MEGF6: variants seen among roughly 807,000 people sequenced by gnomAD.
MEGF6 encodes the protein multiple epidermal growth factor-like domains protein 6.
MEGF6 carries 184 observed loss-of-function variants against 207.1 expected under a neutral mutation model. That is an observed-to-expected ratio of 0.89 (90% CI 0.79 to 1.00). MEGF6 has a LOEUF of 1.00. MEGF6 is among the 50% of genes least tolerant of loss of function. The probability of loss-of-function intolerance (pLI) is 0.00; values close to 1 mark genes in which losing one functional copy is unlikely to be tolerated. For synonymous variants in MEGF6, 1,038 were observed against 910.0 expected, an observed-to-expected ratio of 1.14 and a Z score of -2.53; for missense variants, 2,282 against 2,202.9, an observed-to-expected ratio of 1.04 and a Z score of -0.72.
At position 3,494,362 on chromosome 1, in the gene MEGF6, C is replaced by T; in HGVS notation, c.4129+9G>A. The T allele has an allele frequency of 6.5e-7, 1 of 1,539,170 alleles. No individual in the cohort carries two copies. The highest frequency in any genetic ancestry group is 1.4e-5 in the African/African-American group (1 of 73,248). On this transcript the variant is annotated intron_variant, in intron 32 of 36. Transcript: ENST00000356575. The stretch of plus-strand genomic sequence containing the variant: ...GGCCCCAGCCCAGCTGCACAGGCCC[C>T]CAACTCACGGTGCTCGCAGGCCTGG...
chr1:3,622,720 T>C, the MEGF6 span, among the ~76,000 whole-genome samples: 1 of 152,186 alleles, frequency 6.6e-6, no homozygotes, highest in Non-Finnish European at 1.5e-5. Flanking sequence ...AGAGGGAGCA[T>C]GGCCCTGCAC....
Position 3,493,742 on chromosome 1 carries a change from G to A in MEGF6, c.4387+29C>T, listed in dbSNP as rs546110537. The A allele has an allele frequency of 2.7e-5, 43 of 1,604,664 alleles. 1 individual carries two copies. The highest frequency in any genetic ancestry group is 3.3e-4 in the Middle Eastern group (2 of 6,056). ...GTCACTGATGGAGACCCACACCCAC[G>A]CCCTTCCTGGGCAGGACCCCAGACT... On this transcript the variant is annotated intron_variant, in intron 34 of 36. Transcript: ENST00000356575.
chr1:3,509,731 G>C, intron 11 of MEGF6, 139 bp downstream of exon 11: 1 of 1,208,294 alleles, frequency 8.3e-7, no homozygotes. Context: ...CCTCTGAGGT[G>C]TGTTGGCCCA....
At chr1:3,545,462 C>G (rs1032227003) in intron 4 of MEGF6, among the ~76,000 whole-genome samples, 2 of 152,114 alleles carry the variant, frequency 1.3e-5, no homozygotes, top group African/African-American at 2.4e-5. Flanking sequence ...ACCTCCAGCT[C>G]CAACGTGTGG....
At position 3,516,655 on chromosome 1, in the gene MEGF6, A is replaced by C. The variant is rs555448641; in HGVS notation, c.605-1128T>G. On this transcript the variant is annotated intron_variant, in intron 5 of 36. Coordinates refer to ENST00000356575, the MANE Select transcript of MEGF6 (RefSeq NM_001409.4). ...GCGGATGGGAAGCCCGGCACCATGGAGGGGAGGGCGGTCAGAGGTCAACAG... is the reference window on the plus strand; with the variant it reads ...GCGGATGGGAAGCCCGGCACCATGGCGGGGAGGGCGGTCAGAGGTCAACAG... 2.0e-4 allele frequency among the ~76,000 whole-genome samples: 30 copies of C among 152,252 alleles called. No individual in the cohort carries two copies. The East Asian group carries it at 5.2e-3, about 26-fold the overall frequency.
In MEGF6 at chr1:3,600,417, A is replaced by G. The variant is rs554671533; in HGVS notation, c.266+2049T>C. ...TCATAAGCACTGGGGGCTCGAGGGCAAATGGGCAAGGGCTCAGGGTTAGGG... is the reference window on the plus strand; with the variant it reads ...TCATAAGCACTGGGGGCTCGAGGGCGAATGGGCAAGGGCTCAGGGTTAGGG... On this transcript the variant is annotated intron_variant, in intron 2 of 36. Transcript: ENST00000356575. Among the ~76,000 whole-genome samples the G allele has an allele frequency of 3.2e-4, 48 of 152,296 alleles. 1 individual carries two copies. The highest frequency in any genetic ancestry group is 2.4e-3 in the Admixed American group (36 of 15,302).
At chr1:3,531,595 AC>A (rs1642176487) in intron 4 of MEGF6, 3 of 701,990 alleles carry the variant, frequency 4.3e-6, no homozygotes, top group Non-Finnish European at 3.5e-6. Flanking sequence ...GCGCTCCCGG[AC>A]CCGGACGCAG....
intron 4 of MEGF6, among the ~76,000 whole-genome samples, chr1:3,578,988 T>C (rs1300047506): frequency 6.6e-6 from 1 of 152,250 alleles, no homozygotes; most frequent in East Asian, 1.9e-4. Context: ...TCCTGCTGCC[T>C]GCCTGGGCAC....
the MEGF6 span, among the ~76,000 whole-genome samples, chr1:3,621,722 C>T: frequency 1.3e-5 from 2 of 152,176 alleles, no homozygotes; most frequent in African/African-American, 4.8e-5. Context: ...GCAGCTTGCA[C>T]CCTGCACCTG....
At position 3,514,670 on chromosome 1, in the gene MEGF6, T is replaced by C. The variant is rs1450197280; in HGVS notation, c.733A>G (p.Arg245Gly). 1.3e-6 allele frequency: 2 copies of C among 1,576,444 alleles called. No individual in the cohort carries two copies. Among genetic ancestry groups the C allele is most frequent in the Admixed American group, 1.8e-5 (1 of 56,756 alleles). Reference protein sequence around the residue: ...LQEDGRHCVRRSPCANRNGSC... With the variant: ...LQEDGRHCVRGSPCANRNGSC... ...CCGTTCCTGTTGGCACACGGGCTTC[T>C]ACCTGCAGCCACGGGCCCGAGGAGG... Residue 245 changes from arginine (R) to glycine (G), a missense_variant and splice_region_variant, in exon 7 of 37, where the codon AGA becomes GGA. Transcript: ENST00000356575.
the MEGF6 span, among the ~76,000 whole-genome samples, chr1:3,621,559 C>CT: frequency 3.3e-5 from 5 of 152,170 alleles, no homozygotes; most frequent in Non-Finnish European, 7.4e-5. Context: ...TAGTATAACT[C>CT]TTGTTATTTT....
intron 4 of MEGF6, among the ~76,000 whole-genome samples, chr1:3,524,655 C>T (rs375888076): frequency 1.3e-5 from 2 of 152,190 alleles, no homozygotes; most frequent in African/African-American, 2.4e-5. Flanking sequence ...GCTTTTGAGA[C>T]GGCCATGCCC....
In MEGF6 at chr1:3,493,846, C is replaced by CT; in HGVS notation, c.4311_4312insA (p.Gly1438ArgfsTer6). On this transcript the variant is annotated frameshift_variant, in exon 34 of 37. Transcript: ENST00000356575. LOFTEE classifies it high-confidence loss of function. ...GTGACAGGGTCACAGGGTGCCCCCCCGTCACAGTCACAGCGCTGGTGGCAG... is the reference window on the plus strand; with the variant it reads ...GTGACAGGGTCACAGGGTGCCCCCCCTGTCACAGTCACAGCGCTGGTGGCAG... The CT allele has an allele frequency of 6.2e-7, 1 of 1,603,406 alleles. No individual in the cohort carries two copies. Among genetic ancestry groups the CT allele is most frequent in the East Asian group, 2.3e-5 (1 of 44,246 alleles).
At chr1:3,579,609 CG>C (rs896939006) in intron 4 of MEGF6, among the ~76,000 whole-genome samples, 1 of 152,212 alleles carries the variant, frequency 6.6e-6, no homozygotes, top group Non-Finnish European at 1.5e-5. Context: ...CACCCACTGA[CG>C]GGGGGTCTCT....
At chr1:3,526,077 C>T (rs141140945) in intron 4 of MEGF6, among the ~76,000 whole-genome samples, 4 of 152,314 alleles carry the variant, frequency 2.6e-5, no homozygotes, top group Non-Finnish European at 5.9e-5. Flanking sequence ...TGGGGACAGA[C>T]GGAGCTGTGC....
At position 3,498,708 on chromosome 1, in the gene MEGF6, G is replaced by C; in HGVS notation, c.3213C>G (p.Ala1071=). The C allele has an allele frequency of 6.4e-7, 1 of 1,568,010 alleles. No homozygotes were observed. Among genetic ancestry groups the C allele is most frequent in the Non-Finnish European group, 8.6e-7 (1 of 1,159,610 alleles). ...CCGCCCAGCGCTCACCCTTCTCACA[G>C]GCCAGGCCGGCCCAGCCCTCTGGGC... ...CACPEGWAGL[A]CEKECLPRDV... is the part of the protein sequence containing the mutation. Residue 1071 remains alanine (A), a synonymous_variant, in exon 25 of 37, where the codon GCC becomes GCG. Coordinates refer to ENST00000356575, the MANE Select transcript of MEGF6 (RefSeq NM_001409.4).
At chr1:3,578,904 G>A (rs1450239956) in intron 4 of MEGF6, among the ~76,000 whole-genome samples, 16 of 149,634 alleles carry the variant, frequency 1.1e-4, no homozygotes, top group South Asian at 2.1e-4. Context: ...GGCCCCCAGC[G>A]CAACGTGGAG....
chr1:3,490,298 C>A lies in MEGF6; in HGVS notation c.*230G>T. On this transcript the variant is annotated 3_prime_UTR_variant, in exon 37 of 37. Transcript: ENST00000356575. ...AGCGTGCCCCTGGGTTCTGCAGAGC[C>A]AGGCCAGGAGGCGCCTCTCTTCCAG... 1.8e-6 allele frequency: 1 copy of A among 567,764 alleles called. No individual in the cohort carries two copies. The highest frequency in any genetic ancestry group is 3.1e-6 in the Non-Finnish European group (1 of 325,204). The allele number at this position is 567,764 out of a possible 1,614,324, so 35.2% of individuals were successfully genotyped here.
At position 3,498,872 on chromosome 1, in the gene MEGF6, G is replaced by A. The variant is rs760006270; in HGVS notation, c.3095-46C>T. On this transcript the variant is annotated intron_variant, in intron 24 of 36. Transcript: ENST00000356575. ...GCAACCTGCATCCCCCAGCCAGCTG[G>A]CCCCACAGGGTCTGTCTGGCTTTCC... is the stretch of plus-strand genomic sequence containing the variant. The A allele has an allele frequency of 2.2e-5, 34 of 1,540,462 alleles. No homozygotes were observed. The South Asian group carries it at 3.7e-4, about 17-fold the overall frequency.
Sources: gnomAD v4.1 joint callset for allele counts (sites outside exome capture counted in the v4.1 genomes callset) on GRCh38, gnomAD v4.1.1 for gene constraint, MANE v1.5 for transcripts, NCBI Gene and HGNC (gene_info 2026-07-23, HGNC 2026-07-21) for gene names.